Variants in SMAP2 observed in about 807,000 individuals in gnomAD.
The protein encoded by SMAP2 is stromal membrane-associated protein 2.
SMAP2 carries 25 observed loss-of-function variants against 56.4 expected under a neutral mutation model. The ratio of observed to expected loss-of-function variants is 0.44; its 90% CI spans 0.32 to 0.62. The LOEUF is 0.62. SMAP2 is among the 20% of genes least tolerant of loss of function. The pLI is 0.04. For synonymous variants in SMAP2, 157 were observed against 181.7 expected (o/e 0.86, Z 1.09); for missense variants, 388 against 545.6 (o/e 0.71, Z 2.88).
chr1:40,356,690 G>A lies in SMAP2; in HGVS notation c.-82-5610G>A, dbSNP rs533588170. The stretch of plus-strand genomic sequence containing the variant: ...CTCCCAAAGTGCTGGGATTACAGGC[G>A]TGAGCCACCGTGCTGGACCCCTATT... On this transcript the variant is annotated intron_variant, in intron 1 of 6. Coordinates refer to the SMAP2 transcript ENST00000435168. 2.0e-5 allele frequency among the ~76,000 whole-genome samples: 3 copies of A among 152,252 alleles called. No homozygotes were observed. In the East Asian group the frequency reaches 5.8e-4, roughly 29 times the overall value.
intron 2 of SMAP2, among the ~76,000 whole-genome samples, chr1:40,365,855 T>A (rs1644479298): frequency 6.6e-6 from 1 of 151,676 alleles, no homozygotes; most frequent in Non-Finnish European, 1.5e-5. Context: ...GGATGGAGAA[T>A]GACTTTGACG....
In SMAP2 at chr1:40,374,659, G is replaced by A. The variant is rs1223008384; in HGVS notation, c.103+436G>A. ...AGAGAGAGAATGACGAGGAGGAGGAGGAGGGAAGTGAGATGGCGGAAAGGA... is the reference window on the plus strand; with the variant it reads ...AGAGAGAGAATGACGAGGAGGAGGAAGAGGGAAGTGAGATGGCGGAAAGGA... On this transcript the variant is annotated intron_variant, in intron 1 of 9. Coordinates refer to ENST00000372718, the MANE Select transcript of SMAP2 (RefSeq NM_022733.3). This position sits in a 1 kb window ranked among gnomAD's most constrained non-coding sequence, Gnocchi z 5.9. 1 of 1,549,336 alleles carries A rather than the reference G, an allele frequency of 6.5e-7. No individual in the cohort carries two copies. The highest frequency in any genetic ancestry group is 2.0e-5 in the Admixed American group (1 of 50,918).
rs1645047689 is a variant in SMAP2 at position 40,421,969 on chromosome 1, C to T, written c.1165-7C>T. 2.5e-6 allele frequency: 4 copies of T among 1,614,036 alleles called. No homozygotes were observed. The highest frequency in any genetic ancestry group is 3.4e-6 in the Non-Finnish European group (4 of 1,180,006). On this transcript the variant is annotated splice_polypyrimidine_tract_variant and splice_region_variant and intron_variant, in intron 9 of 9. Transcript: ENST00000372718. Reference sequence around the variant, plus strand: ...CCTGGTCTGAAAGTCTCCTCTCTCCCTTTCAGATGACCCAGCAGATGGCTG... The same window carrying T: ...CCTGGTCTGAAAGTCTCCTCTCTCCTTTTCAGATGACCCAGCAGATGGCTG...
At chr1:40,397,889 A>G (rs991921467) in intron 1 of SMAP2, among the ~76,000 whole-genome samples, 1 of 152,192 alleles carries the variant, frequency 6.6e-6, no homozygotes, top group Non-Finnish European at 1.5e-5. Context: ...CCAGGTAGAA[A>G]GAATGGTGTA....
At chr1:40,406,531 A>G (rs1434945795) in intron 1 of SMAP2, among the ~76,000 whole-genome samples, 7 of 152,224 alleles carry the variant, frequency 4.6e-5, no homozygotes, top group Admixed American at 4.6e-4. Context: ...CTGTGTGAAT[A>G]TATTAAAAAC....
At chr1:40,381,248 G>A (rs1557830396) in intron 1 of SMAP2, among the ~76,000 whole-genome samples, 1 of 152,130 alleles carries the variant, frequency 6.6e-6, no homozygotes, top group East Asian at 1.9e-4. Flanking sequence ...ACATTGTACC[G>A]GGACATATAG....
intron 1 of SMAP2, chr1:40,393,273 C>T: frequency 6.8e-7 from 1 of 1,473,118 alleles, no homozygotes; most frequent in South Asian, 1.3e-5. Context: ...CTGCACTGCA[C>T]TCTAGCTTGG....
At chr1:40,373,480 T>A (rs1644511218), upstream of SMAP2, among the ~76,000 whole-genome samples, 1 of 152,198 alleles carries the variant, frequency 6.6e-6, no homozygotes, top group Admixed American at 6.5e-5. Flanking sequence ...GTTGTCTTCC[T>A]TCACTTTCTT....
In SMAP2 at chr1:40,373,876, C is replaced by T. The variant is rs1569834986; in HGVS notation, c.-245C>T. ...CCTGGGCTGAGGGTCTCTGGCCCCG[C>T]AGCCTCTCTTGGAGGCGGGCCTGTC... On this transcript the variant is annotated 5_prime_UTR_variant, in exon 1 of 10. Transcript: ENST00000372718. 2.4e-6 allele frequency: 1 copy of T among 411,554 alleles called. No homozygotes were observed. Among genetic ancestry groups the T allele is most frequent in the East Asian group, 4.5e-5 (1 of 22,398 alleles). 25.5% of individuals were successfully genotyped at this position (411,554 alleles called of 1,614,324 possible). A position where few individuals can be genotyped will look rare whatever the true frequency, so the allele number is the denominator to read the frequency against.
intron 7 of SMAP2, 146 bp downstream of exon 7, chr1:40,415,527 T>C: frequency 1.5e-6 from 1 of 678,062 alleles, no homozygotes; most frequent in Non-Finnish European, 2.6e-6. Context: ...ATTGTGTCAT[T>C]TCTGTCACAG....
chr1:40,356,009 C>A (rs749915847), intron 1 of SMAP2, among the ~76,000 whole-genome samples: 3 of 152,102 alleles, frequency 2.0e-5, no homozygotes, highest in Non-Finnish European at 4.4e-5. Flanking sequence ...CTCTGGTAAC[C>A]ATTATTCTTC....
intron 2 of SMAP2, chr1:40,364,849 T>C (rs1475963937): frequency 1.6e-5 from 3 of 181,884 alleles, no homozygotes; most frequent in African/African-American, 7.1e-5. Context: ...TGTCAAAAAG[T>C]ATAATGTCTT....
At chr1:40,389,638 C>T (rs945028060) in intron 1 of SMAP2, among the ~76,000 whole-genome samples, 2 of 152,190 alleles carry the variant, frequency 1.3e-5, no homozygotes, top group East Asian at 3.8e-4. Context: ...TGGAGCTAGA[C>T]ATGAAGCGAA....
intron 1 of SMAP2, among the ~76,000 whole-genome samples, chr1:40,395,719 T>G (rs1028772931): frequency 2.6e-5 from 4 of 152,224 alleles, no homozygotes; most frequent in African/African-American, 7.2e-5. Context: ...ATAATTCGTA[T>G]CTTTAGCTGT....
chr1:40,409,402 C>G (rs146983794), intron 3 of SMAP2, among the ~76,000 whole-genome samples: 7 of 152,174 alleles, frequency 4.6e-5, no homozygotes, highest in Non-Finnish European at 1.0e-4. Context: ...GGGGCACTTA[C>G]GTGCCTTTGT....
intron 1 of SMAP2, among the ~76,000 whole-genome samples, chr1:40,380,720 G>T (rs1644590100): frequency 1.3e-5 from 2 of 151,898 alleles, no homozygotes; most frequent in African/African-American, 4.8e-5. Context: ...TAGTAGAGAG[G>T]GGTTTCATCA....
chr1:40,416,233 C>G lies in SMAP2; in HGVS notation c.739C>G (p.Leu247Val), dbSNP rs1319845604. The G allele has an allele frequency of 2.5e-6, 4 of 1,614,084 alleles. No individual in the cohort carries two copies. The highest frequency in any genetic ancestry group is 1.7e-5 in the Admixed American group (1 of 60,012). The stretch of plus-strand genomic sequence containing the variant: ...CGGCTCTGTTCCTGAAAATCTGAAC[C>G]TGTTTCCGGAGCCAGGGAGCAAATC... The part of the protein sequence containing the change: ...SAGSVPENLN[L>V]FPEPGSKSEE... Residue 247 changes from leucine (L) to valine (V), a missense_variant, in exon 8 of 10, where the codon CTG (leucine) becomes GTG (valine). Transcript: ENST00000372718.
chr1:40,361,980 T>A (rs1644461916), intron 1 of SMAP2, among the ~76,000 whole-genome samples: 1 of 152,086 alleles, frequency 6.6e-6, no homozygotes, highest in Non-Finnish European at 1.5e-5. Flanking sequence ...GACCATTTTG[T>A]AAAGTGTGGG....
intron 1 of SMAP2, among the ~76,000 whole-genome samples, chr1:40,354,759 A>G (rs1411174170): frequency 7.8e-6 from 1 of 128,134 alleles, no homozygotes; most frequent in Non-Finnish European, 1.7e-5. Flanking sequence ...AATGAACCAA[A>G]ACATTGAATT....
Sources: gnomAD v4.1 joint callset for allele counts (sites outside exome capture counted in the v4.1 genomes callset) on GRCh38, gnomAD v4.1.1 for gene constraint, Gnocchi (gnomAD v3.1) non-coding constraint, MANE v1.5 for transcripts, NCBI Gene and HGNC (gene_info 2026-07-23, HGNC 2026-07-21) for gene names.